Variants in ARHGAP42 observed in about 807,000 individuals in gnomAD.
The protein encoded by ARHGAP42 is Rho GTPase activating protein 42.
A neutral mutation model predicts 125.0 loss-of-function variants in ARHGAP42; 63 were observed. The observed-to-expected ratio is 0.50, with a 90% CI of 0.41 to 0.62. The LOEUF is 0.62. Among genes scored for constraint, ARHGAP42 ranks in the 20% least tolerant of loss-of-function variants. The pLI, the probability that ARHGAP42 is intolerant of heterozygous loss-of-function variation, is 0.00. For synonymous variants in ARHGAP42, 339 were observed against 351.0 expected, an observed-to-expected ratio of 0.97 and a Z score of 0.38; for missense variants, 766 against 1,024.2, an observed-to-expected ratio of 0.75 and a Z score of 3.44.
Position 100,989,724 on chromosome 11 carries a change from C to T in ARHGAP42, c.*923C>T, listed in dbSNP as rs916962411. ...AAAACTACAGTATCAAGGCATACAA[C>T]TTAAATTCCACTTGGAAGATTGTAA... On this transcript the variant is annotated 3_prime_UTR_variant, in exon 24 of 24. Transcript: ENST00000298815. The T allele has an allele frequency of 3.3e-5, 5 of 152,206 alleles. No individual in the cohort carries two copies. Among genetic ancestry groups the T allele is most frequent in the Admixed American group, 2.6e-4 (4 of 15,278 alleles). The allele number at this position is 152,206 out of a possible 1,614,324, so 9.4% of individuals were successfully genotyped here. A position where few individuals can be genotyped will look rare whatever the true frequency, so the allele number is the denominator to read the frequency against.
intron 4 of ARHGAP42, among the ~76,000 whole-genome samples, chr11:100,903,709 A>AATATATATATATATATATATAT (rs139506492): frequency 4.7e-5 from 3 of 63,510 alleles, no homozygotes; most frequent in African/African-American, 2.0e-4. Flanking sequence ...TGTCCCTCAA[A>AATATATATATATATATATATAT]ATATATATAT....
At chr11:100,965,815 T>C in intron 17 of ARHGAP42, 39 bp downstream of exon 17, 1 of 1,486,752 alleles carries the variant, frequency 6.7e-7, no homozygotes. Flanking sequence ...AACTTATTGT[T>C]CATTGTTAAG....
intron 10 of ARHGAP42, among the ~76,000 whole-genome samples, chr11:100,946,236 A>G (rs1177202518): frequency 6.6e-6 from 1 of 152,100 alleles, no homozygotes; most frequent in African/African-American, 2.4e-5. Flanking sequence ...TGGAAAAGGC[A>G]TTGGCTTAAG....
intron 10 of ARHGAP42, among the ~76,000 whole-genome samples, chr11:100,944,575 C>A (rs12417367): frequency 0.05 from 7,522 of 151,812 alleles, 323 homozygotes; most frequent in East Asian, 0.25. Flanking sequence ...TAGCTACAGG[C>A]ATACCTCAGA....
chr11:100,920,479 T>C (rs1867207154), intron 5 of ARHGAP42, among the ~76,000 whole-genome samples: 1 of 152,192 alleles, frequency 6.6e-6, no homozygotes, highest in Non-Finnish European at 1.5e-5. Flanking sequence ...CTTCAAGTTT[T>C]CTATCCCCAA....
intron 1 of ARHGAP42, among the ~76,000 whole-genome samples, chr11:100,712,700 T>C (rs1335816521): frequency 6.6e-6 from 1 of 151,796 alleles, no homozygotes; most frequent in Non-Finnish European, 1.5e-5. Flanking sequence ...AGGGAAGGAG[T>C]TAATGAGTTC....
At chr11:100,762,734 C>G (rs1862736224) in intron 1 of ARHGAP42, among the ~76,000 whole-genome samples, 1 of 152,108 alleles carries the variant, frequency 6.6e-6, no homozygotes, top group African/African-American at 2.4e-5. Context: ...CAGTATTCTT[C>G]TCTTCTGACT....
chr11:100,887,558 T>C (rs1866121729), intron 4 of ARHGAP42, among the ~76,000 whole-genome samples: 2 of 152,230 alleles, frequency 1.3e-5, no homozygotes, highest in Admixed American at 1.3e-4. Context: ...ATGGTAATCG[T>C]AACTATTTCA....
intron 13 of ARHGAP42, 32 bp from the exon 14 acceptor site, chr11:100,960,883 A>G (rs1216651058): frequency 7.1e-7 from 1 of 1,404,052 alleles, no homozygotes; most frequent in Non-Finnish European, 9.6e-7. Context: ...CTGTATCTCA[A>G]GCCGTTTTCT....
chr11:100,697,507 T>C (rs992437044), intron 1 of ARHGAP42, among the ~76,000 whole-genome samples: 1 of 152,206 alleles, frequency 6.6e-6, no homozygotes. Context: ...TTCTATGATA[T>C]TTCCTCATGC....
chr11:100,739,469 C>T (rs1862133639), intron 1 of ARHGAP42, among the ~76,000 whole-genome samples: 1 of 151,974 alleles, frequency 6.6e-6, no homozygotes, highest in South Asian at 2.1e-4. Flanking sequence ...GTTTTCTTTT[C>T]CTTAATTGAG....
chr11:100,977,480 A>G (rs2135322749), intron 21 of ARHGAP42, among the ~76,000 whole-genome samples: 1 of 152,332 alleles, frequency 6.6e-6, no homozygotes, highest in South Asian at 2.1e-4. Flanking sequence ...GGTACTTCTC[A>G]TCAAAGGAAA....
rs559688865 is a variant in ARHGAP42 at position 100,859,713 on chromosome 11, A to G, written c.384+88A>G. On this transcript the variant is annotated intron_variant, in intron 4 of 23. Transcript: ENST00000298815. Reference sequence around the variant, plus strand: ...AGATGTTAACATTTTTGAAATTAGAATGACCTTTTAAAAGATTTTGTACAT... The same window carrying G: ...AGATGTTAACATTTTTGAAATTAGAGTGACCTTTTAAAAGATTTTGTACAT... 116 of 1,083,014 alleles carry G rather than the reference A, an allele frequency of 1.1e-4. 1 individual carries two copies. The South Asian group carries it at 1.7e-3, about 16-fold the overall frequency. 67.1% of individuals were successfully genotyped at this position (1,083,014 alleles called of 1,614,324 possible). A position where few individuals can be genotyped will look rare whatever the true frequency, so the allele number is the denominator to read the frequency against.
chr11:100,706,125 G>A (rs766527122), intron 1 of ARHGAP42, among the ~76,000 whole-genome samples: 8 of 152,004 alleles, frequency 5.3e-5, no homozygotes, highest in Non-Finnish European at 7.4e-5. Context: ...GACTACAGGC[G>A]CGTGCCACCA....
intron 6 of ARHGAP42, among the ~76,000 whole-genome samples, chr11:100,928,548 T>C (rs554375704): frequency 6.6e-6 from 1 of 151,792 alleles, no homozygotes; most frequent in East Asian, 1.9e-4. Flanking sequence ...ATCATGCCAC[T>C]ATCCTCCAGC....
intron 18 of ARHGAP42, among the ~76,000 whole-genome samples, chr11:100,973,671 T>C (rs1858314037): frequency 6.6e-6 from 1 of 152,158 alleles, no homozygotes; most frequent in Admixed American, 6.5e-5. Flanking sequence ...TATATAGAGG[T>C]AATGTTCTAA....
chr11:100,875,478 A>G (rs961511441), intron 4 of ARHGAP42, among the ~76,000 whole-genome samples: 6 of 152,116 alleles, frequency 3.9e-5, no homozygotes, highest in Non-Finnish European at 8.8e-5. Flanking sequence ...TTGGTCAGAC[A>G]TTGGCTGGAC....
At chr11:100,957,960 A>T (rs1446223549) in intron 12 of ARHGAP42, among the ~76,000 whole-genome samples, 2 of 152,162 alleles carry the variant, frequency 1.3e-5, no homozygotes, top group Admixed American at 6.6e-5. Context: ...TTCTATTGAA[A>T]TTTTTTTAAA....
At chr11:100,814,936 T>C (rs1864230822) in intron 3 of ARHGAP42, among the ~76,000 whole-genome samples, 1 of 152,230 alleles carries the variant, frequency 6.6e-6, no homozygotes, top group African/African-American at 2.4e-5. Flanking sequence ...CTTCCATTCG[T>C]CACTTGACTT....
Sources: gnomAD v4.1 joint callset for allele counts (sites outside exome capture counted in the v4.1 genomes callset) on GRCh38, gnomAD v4.1.1 for gene constraint, MANE v1.5 for transcripts, NCBI Gene and HGNC (gene_info 2026-07-23, HGNC 2026-07-21) for gene names.